The following SF1 variants were observed in gnomAD, a reference collection of about 807,000 sequenced individuals.
SF1 encodes splicing factor 1, also known as branch point-binding protein.
A neutral mutation model predicts 62.5 loss-of-function variants in SF1; 7 were observed. That is an observed-to-expected ratio of 0.11 (90% confidence interval 0.06 to 0.21). The LOEUF is 0.21. Among genes scored for constraint, SF1 ranks in the 10% least tolerant of loss-of-function variants. The pLI is 1.00. For missense variants in SF1, 578 were observed against 884.0 expected (o/e 0.65, Z 4.39); for synonymous variants, 394 against 323.6 (o/e 1.22, Z -2.33).
intron 4 of SF1, 93 bp downstream of exon 4, chr11:64,770,163 A>G (rs1938077139): frequency 6.4e-7 from 1 of 1,559,670 alleles, no homozygotes; most frequent in South Asian, 1.1e-5. Context: ...GACTTGAGGC[A>G]AGAGGTGAGT....
intron 10 of SF1, 94 bp downstream of exon 10, chr11:64,767,477 A>G (rs1365721162): frequency 1.5e-6 from 2 of 1,322,286 alleles, no homozygotes; most frequent in African/African-American, 2.9e-5. Flanking sequence ...CACATTGCCC[A>G]GCCACTTGAG....
chr11:64,767,143 C>T (rs1234261494), intron 11 of SF1, 49 bp downstream of exon 11: 1 of 1,612,554 alleles, frequency 6.2e-7, no homozygotes, highest in African/African-American at 1.3e-5. Context: ...CCAGAACCCC[C>T]ACTCACCCAA....
At chr11:64,772,232 G>A in intron 3 of SF1, 1 of 984,940 alleles carries the variant, frequency 1.0e-6, no homozygotes, top group Non-Finnish European at 1.2e-6. Context: ...ACCTTTGGAG[G>A]AATTGACTGG....
At position 64,765,889 on chromosome 11, in the gene SF1, C is replaced by T. The variant is rs1169858957; in HGVS notation, c.1849G>A (p.Gly617Ser). The T allele has an allele frequency of 1.3e-6, 2 of 1,564,794 alleles. No individual in the cohort carries two copies. The highest frequency in any genetic ancestry group is 2.4e-5 in the East Asian group (1 of 42,354). ...GGCGGCATGCCCGCCACCCCCATGC[C>T]CATCATGGTGACAAAGTTAGAAGGG... ...MDPSNFVTMM[G>S]MGVAGMPPFG... is the part of the protein sequence containing the mutation. Residue 617 changes from glycine to serine, a missense_variant, in exon 13 of 13, where the codon GGC (glycine) becomes AGC (serine). Physicochemically the swap from Gly to Ser is moderately conservative, Grantham distance 56 (BLOSUM62 0). Transcript: ENST00000377390.
chr11:64,769,382 C>G, intron 6 of SF1, 44 bp from the exon 7 acceptor site: 1 of 1,613,534 alleles, frequency 6.2e-7, no homozygotes, highest in South Asian at 1.1e-5. Flanking sequence ...GGGCCTCCAC[C>G]TAGGTTTCTG....
chr11:64,778,141 CGGCGGCTGCTGGGGAGGCGGA>C (rs1939693725), intron 1 of SF1, 200 bp downstream of exon 1: 1 of 788,848 alleles, frequency 1.3e-6, no homozygotes, highest in African/African-American at 1.9e-5. Flanking sequence ...GTGGAGGCGG[CGGCGGCTGCTGGGGAGGCGGA>C]GGGGGCGGCG....
intron 2 of SF1, among the ~76,000 whole-genome samples, chr11:64,773,796 TAGG>T (rs1938691514): frequency 1.3e-5 from 2 of 152,176 alleles, no homozygotes; most frequent in South Asian, 2.1e-4. Flanking sequence ...AAGCAATTAT[TAGG>T]AGGTGTTTCA....
rs1592446270 is a variant in SF1, at chr11:64,766,596, G to A, written c.1582+304C>T. On this transcript the variant is annotated intron_variant, in intron 12 of 12. Transcript: ENST00000377390. ...CATCCCACTCGACCCATATGCACCAGGCTCAGTCCAGCCAGCCGCTCACTC... is the reference window on the plus strand; with the variant it reads ...CATCCCACTCGACCCATATGCACCAAGCTCAGTCCAGCCAGCCGCTCACTC... The A allele has an allele frequency of 9.7e-6, 4 of 414,258 alleles. No individual in the cohort carries two copies. The East Asian group carries it at 1.2e-4, about 12-fold the overall frequency. The allele number at this position is 414,258 out of a possible 1,614,324, so 25.7% of individuals were successfully genotyped here.
At chr11:64,772,766 A>C (rs1772789682) in intron 3 of SF1, 1 of 985,254 alleles carries the variant, frequency 1.0e-6, no homozygotes, top group Non-Finnish European at 1.2e-6. Flanking sequence ...CTGAAATGAC[A>C]TGACCACAGC....
At chr11:64,777,613 C>T in intron 1 of SF1, 2 of 985,508 alleles carry the variant, frequency 2.0e-6, no homozygotes, top group Non-Finnish European at 2.4e-6. Flanking sequence ...TCAGGTGAGG[C>T]TTTCACGCCC....
At chr11:64,769,921 G>T (rs565352103) in intron 5 of SF1, 43 bp downstream of exon 5, 1 of 1,435,438 alleles carries the variant, frequency 7.0e-7, no homozygotes, top group Non-Finnish European at 9.8e-7. Context: ...CATCTCACAG[G>T]CTCTAAAGGA....
At chr11:64,777,654 G>C in intron 1 of SF1, 1 of 985,592 alleles carries the variant, frequency 1.0e-6, no homozygotes, top group Non-Finnish European at 1.2e-6. Flanking sequence ...ACCCCGTCCA[G>C]CGCTGAACAC....
intron 2 of SF1, 33 bp downstream of exon 2, chr11:64,776,465 C>A: frequency 6.4e-7 from 1 of 1,568,104 alleles, no homozygotes; most frequent in East Asian, 2.3e-5. Context: ...GTAACAATCT[C>A]AAAGTGCATT....
chr11:64,767,030 A>AGGCGGC lies in SF1; in HGVS notation c.1446_1451dup (p.Pro484_Pro485dup), dbSNP rs71581802. 9 of 1,543,240 alleles carry AGGCGGC rather than the reference A, an allele frequency of 5.8e-6. No homozygotes were observed. Among genetic ancestry groups the AGGCGGC allele is most frequent in the South Asian group, 2.5e-5 (2 of 80,472 alleles). ...GAGGGGGTGGGGGCTGCCCACTGGG[A>AGGCGGC]GGCGGCGGCGGCGGCGGCATCATGC... On this transcript the variant is annotated inframe_insertion, in exon 12 of 13. Coordinates refer to ENST00000377390, the MANE Select transcript of SF1 (RefSeq NM_004630.4).
intron 2 of SF1, among the ~76,000 whole-genome samples, chr11:64,774,101 C>A (rs542775901): frequency 3.5e-4 from 54 of 152,270 alleles, no homozygotes; most frequent in African/African-American, 1.3e-3. Flanking sequence ...TACAACCAGA[C>A]CTGTACTAGT....
At chr11:64,772,202 G>A in intron 3 of SF1, 2 of 985,112 alleles carry the variant, frequency 2.0e-6, no homozygotes, top group South Asian at 4.7e-5. Context: ...AGGAAGCAAA[G>A]AAGGTTTGTT....
At chr11:64,777,598 C>G (rs934494949) in intron 1 of SF1, 101 of 985,328 alleles carry the variant, frequency 1.0e-4, no homozygotes, top group Non-Finnish European at 1.2e-4. Flanking sequence ...AGTCGCTGCA[C>G]GTCATCAGGT....
Position 64,778,411 on chromosome 11 carries a change from C to G in SF1, c.-19G>C, listed in dbSNP as rs1208702777. On this transcript the variant is annotated 5_prime_UTR_variant, in exon 1 of 13. Transcript: ENST00000377390. ...TCGCCATGGCGCCCCCGGGGACAGG[C>G]ACCGGCACCTGCTTTTCCTCTGCGG... 1 of 1,227,246 alleles carries G rather than the reference C, an allele frequency of 8.1e-7. No homozygotes were observed. The highest frequency in any genetic ancestry group is 1.0e-6 in the Non-Finnish European group (1 of 983,964). The allele number at this position is 1,227,246 out of a possible 1,614,324, so 76.0% of individuals were successfully genotyped here.
At chr11:64,774,302 C>T (rs529332095) in intron 2 of SF1, among the ~76,000 whole-genome samples, 1 of 152,148 alleles carries the variant, frequency 6.6e-6, no homozygotes, top group African/African-American at 2.4e-5. Flanking sequence ...TGTACTTGGC[C>T]CTCGGGCCTT....
Sources: allele counts gnomAD v4.1 joint callset (sites outside exome capture counted in the v4.1 genomes callset), GRCh38; gene constraint gnomAD v4.1.1; transcripts MANE v1.5; gene names NCBI Gene and HGNC (gene_info 2026-07-23, HGNC 2026-07-21).